Variants in KCNK2 observed in about 807,000 individuals in gnomAD.
KCNK2 encodes potassium two pore domain channel subfamily K member 2.
In KCNK2, 21 loss-of-function variants were observed where a neutral mutation model predicts 40.5. That is an observed-to-expected ratio of 0.52 (90% CI 0.37 to 0.75). KCNK2 has a LOEUF of 0.75. KCNK2 is among the 30% of genes least tolerant of loss of function. KCNK2 has a pLI of 0.00. For synonymous variants in KCNK2, 191 were observed against 202.2 expected (o/e 0.94, Z 0.47); for missense variants, 399 against 531.6 (o/e 0.75, Z 2.45).
At chr1:215,156,480 C>T (rs1662931828) in intron 3 of KCNK2, among the ~76,000 whole-genome samples, 2 of 152,180 alleles carry the variant, frequency 1.3e-5, no homozygotes, top group South Asian at 4.1e-4. Flanking sequence ...CTGCAGTCCC[C>T]TACATTTGAC....
chr1:215,044,871 A>G (rs1657704404), intron 1 of KCNK2, among the ~76,000 whole-genome samples: 1 of 151,530 alleles, frequency 6.6e-6, no homozygotes. Context: ...AGAATTTCTT[A>G]AAAGATTAAC....
At chr1:215,027,706 C>A (rs750016375) in intron 1 of KCNK2, among the ~76,000 whole-genome samples, 35 of 152,168 alleles carry the variant, frequency 2.3e-4, no homozygotes, top group Non-Finnish European at 4.4e-4. Flanking sequence ...TTAATTTATG[C>A]TAGATTTATA....
chr1:215,105,421 G>A (rs1660394521), intron 2 of KCNK2, among the ~76,000 whole-genome samples: 3 of 151,904 alleles, frequency 2.0e-5, no homozygotes, highest in Non-Finnish European at 4.4e-5. Flanking sequence ...TCCTATTTAG[G>A]GATGGATCAT....
At chr1:215,210,012 A>T (rs1665657197) in intron 6 of KCNK2, among the ~76,000 whole-genome samples, 1 of 49,978 alleles carries the variant, frequency 2.0e-5, no homozygotes, top group South Asian at 1.1e-3. Flanking sequence ...ATTATATATA[A>T]TATATAATAT....
At chr1:215,227,653 C>CGT (rs1022172128) in intron 6 of KCNK2, among the ~76,000 whole-genome samples, 1 of 151,950 alleles carries the variant, frequency 6.6e-6, no homozygotes, top group Non-Finnish European at 1.5e-5. Context: ...TTGGCGGCTG[C>CGT]GTGGAGAATG....
intron 1 of KCNK2, among the ~76,000 whole-genome samples, chr1:215,063,596 C>T (rs1220895484): frequency 6.6e-5 from 10 of 152,158 alleles, no homozygotes; most frequent in Non-Finnish European, 1.5e-4. Flanking sequence ...AGGAAGACCT[C>T]CTTGAAATGC....
intron 5 of KCNK2, among the ~76,000 whole-genome samples, chr1:215,172,966 TA>T (rs1269986826): frequency 1.6e-4 from 25 of 152,110 alleles, no homozygotes; most frequent in African/African-American, 5.1e-4. Flanking sequence ...TTATTACTAT[TA>T]TTTTTTAAAA....
At chr1:215,039,495 T>C (rs1571863651) in intron 1 of KCNK2, among the ~76,000 whole-genome samples, 1 of 152,252 alleles carries the variant, frequency 6.6e-6, no homozygotes, top group East Asian at 1.9e-4. Context: ...CCAAATAACA[T>C]AGTATTGGAT....
At chr1:215,186,829 C>A (rs2102654906) in intron 5 of KCNK2, among the ~76,000 whole-genome samples, 1 of 152,334 alleles carries the variant, frequency 6.6e-6, no homozygotes, top group East Asian at 1.9e-4. Context: ...TGGGAGGCCA[C>A]AGAATCTGTA....
chr1:215,148,223 G>A, intron 3 of KCNK2, among the ~76,000 whole-genome samples: 1 of 150,672 alleles, frequency 6.6e-6, no homozygotes, highest in South Asian at 2.1e-4. Context: ...GGGACTGCAG[G>A]TGCATACCAC....
chr1:215,093,793 ATAT>A lies in KCNK2; in HGVS notation c.357+7116_357+7118del, dbSNP rs1414585313. Reference sequence around the variant, plus strand: ...TAAAATATATTATATATTATATATTATATAATATAAAATATATTATATATTATA... The same window carrying A: ...TAAAATATATTATATATTATATATTAAATATAAAATATATTATATATTATA... On this transcript the variant is annotated intron_variant, in intron 2 of 6. Coordinates refer to ENST00000444842, the MANE Select transcript of KCNK2 (RefSeq NM_001017425.3). Among the ~76,000 whole-genome samples, 30 of 14,420 alleles carry A rather than the reference ATAT, an allele frequency of 2.1e-3. 1 individual carries two copies. Among genetic ancestry groups the A allele is most frequent in the Admixed American group, 5.0e-3 (4 of 800 alleles). 9.5% of individuals were successfully genotyped at this position (14,420 alleles called of 152,430 possible).
At chr1:215,062,205 A>G (rs1658384149) in intron 1 of KCNK2, among the ~76,000 whole-genome samples, 1 of 152,164 alleles carries the variant, frequency 6.6e-6, no homozygotes, top group African/African-American at 2.4e-5. Context: ...CTCTGGGAAT[A>G]AAAAACATTA....
intron 1 of KCNK2, among the ~76,000 whole-genome samples, chr1:215,063,238 T>TGGC (rs1658421262): frequency 6.6e-6 from 1 of 152,194 alleles, no homozygotes. Flanking sequence ...AAGAACATTC[T>TGGC]ATTTCTTGCC....
chr1:215,177,780 T>C (rs950484484), intron 5 of KCNK2, among the ~76,000 whole-genome samples: 11 of 145,748 alleles, frequency 7.5e-5, no homozygotes, highest in African/African-American at 2.5e-4. Context: ...TTTCGGTTAC[T>C]CTACCCTTGT....
chr1:215,230,580 GA>G (rs1558150410), intron 6 of KCNK2, among the ~76,000 whole-genome samples: 4 of 24,634 alleles, frequency 1.6e-4, no homozygotes, highest in African/African-American at 2.6e-4. Context: ...ATATATACAA[GA>G]CCGTAATATA....
intron 3 of KCNK2, among the ~76,000 whole-genome samples, chr1:215,156,449 CA>C (rs1662929127): frequency 6.6e-6 from 1 of 152,180 alleles, no homozygotes; most frequent in African/African-American, 2.4e-5. Flanking sequence ...GGCATCCATC[CA>C]GCTCTTTGGC....
chr1:215,093,776 ATT>A (rs1558087889), intron 2 of KCNK2, among the ~76,000 whole-genome samples: 271 of 14,212 alleles, frequency 0.019, no homozygotes, highest in Non-Finnish European at 0.041. Flanking sequence ...TATAAAATAT[ATT>A]ATATATTATA....
chr1:215,194,329 C>T lies in KCNK2; in HGVS notation c.824-624C>T, dbSNP rs1664782373. On this transcript the variant is annotated intron_variant, in intron 5 of 6. Coordinates refer to ENST00000444842, the MANE Select transcript of KCNK2 (RefSeq NM_001017425.3). ...TGAGAGCTACGGTTTTATTTTATGA[C>T]AGTCATGGGAATTTCTCAGAAAAGT... Among the ~76,000 whole-genome samples, 3 of 151,896 alleles carry T rather than the reference C, an allele frequency of 2.0e-5. No homozygotes were observed. In the South Asian group the frequency reaches 6.2e-4, roughly 32 times the overall value.
chr1:215,049,639 G>T (rs1657912752), intron 1 of KCNK2, among the ~76,000 whole-genome samples: 2 of 152,186 alleles, frequency 1.3e-5, no homozygotes, highest in African/African-American at 4.8e-5. Context: ...TTACAGTGAG[G>T]CACATAATTC....
Sources: allele counts gnomAD v4.1 joint callset (sites outside exome capture counted in the v4.1 genomes callset), GRCh38; gene constraint gnomAD v4.1.1; transcripts MANE v1.5; gene names NCBI Gene and HGNC (gene_info 2026-07-23, HGNC 2026-07-21).